The following LYPD6B variants were observed in gnomAD, a reference collection of about 807,000 sequenced individuals.
The protein encoded by LYPD6B is ly6/PLAUR domain-containing protein 6B.
LYPD6B carries 17 observed loss-of-function variants against 22.8 expected under a neutral mutation model. That is an observed-to-expected ratio of 0.75 (90% CI 0.51 to 1.12). The LOEUF is 1.12. Among genes scored for constraint, LYPD6B ranks in the 50% most tolerant of loss-of-function variants. The pLI is 0.00. For synonymous variants in LYPD6B, 106 were observed against 91.6 expected (o/e 1.16, Z -0.90); for missense variants, 221 against 258.3 (o/e 0.86, Z 0.99).
intron 2 of LYPD6B, among the ~76,000 whole-genome samples, chr2:149,132,068 C>A (rs184085384): frequency 6.6e-6 from 1 of 151,976 alleles, no homozygotes; most frequent in African/African-American, 2.4e-5. Flanking sequence ...TGGGTCCATG[C>A]TCCCTTTTTT....
At chr2:149,100,416 CAAAAAAAAAAAAAAAA>C (rs58068035) in intron 1 of LYPD6B, among the ~76,000 whole-genome samples, 2 of 67,964 alleles carry the variant, frequency 2.9e-5, no homozygotes, top group Non-Finnish European at 5.2e-5. Context: ...TTGGCTTTGA[CAAAAAAAAAAAAAAAA>C]AAAAAAAAAG....
intron 1 of LYPD6B, among the ~76,000 whole-genome samples, chr2:149,042,062 G>C (rs1388561703): frequency 6.6e-6 from 1 of 152,198 alleles, no homozygotes; most frequent in Non-Finnish European, 1.5e-5. Context: ...CCTCTCTTGA[G>C]AACACTTAGT....
chr2:149,137,743 A>G (rs1168288455), intron 2 of LYPD6B, among the ~76,000 whole-genome samples: 1 of 152,218 alleles, frequency 6.6e-6, no homozygotes, highest in Non-Finnish European at 1.5e-5. Flanking sequence ...CATCTGTACT[A>G]TAAATAAGTC....
At chr2:149,057,886 A>C (rs1293795327) in intron 1 of LYPD6B, among the ~76,000 whole-genome samples, 1 of 152,138 alleles carries the variant, frequency 6.6e-6, no homozygotes, top group African/African-American at 2.4e-5. Flanking sequence ...ATGTGTGATG[A>C]ATGCATCCGT....
chr2:149,187,702 T>TA, intron 3 of LYPD6B: 1 of 451,376 alleles, frequency 2.2e-6, no homozygotes, highest in Non-Finnish European at 3.9e-6. Flanking sequence ...GGACCACACA[T>TA]AAAATACGCT....
At chr2:149,177,368 G>A (rs149561554) in intron 3 of LYPD6B, among the ~76,000 whole-genome samples, 1 of 152,164 alleles carries the variant, frequency 6.6e-6, no homozygotes, top group Admixed American at 6.5e-5. Flanking sequence ...GCTGGCTGGG[G>A]TTATGTTTTT....
In LYPD6B at chr2:149,195,755, T is replaced by C. The variant is rs58083873; in HGVS notation, c.78-9498T>C. On this transcript the variant is annotated intron_variant, in intron 3 of 6. Coordinates refer to ENST00000409642, the MANE Select transcript of LYPD6B (RefSeq NM_177964.5). ...GGAACAATAAATCTCTGTATTGAGC[T>C]TTCTAAGTGATTTAATAATTTGACA... Among the ~76,000 whole-genome samples, 2,224 of 152,322 alleles carry C rather than the reference T, an allele frequency of 0.015. 282 individuals carry two copies. The East Asian group carries it at 0.32, about 22-fold the overall frequency.
chr2:149,122,001 A>T (rs896987017), intron 1 of LYPD6B, among the ~76,000 whole-genome samples: 1 of 152,302 alleles, frequency 6.6e-6, no homozygotes, highest in Admixed American at 6.5e-5. Flanking sequence ...AAAACCCCAA[A>T]CGAGAAAGAA....
At chr2:149,143,013 T>C (rs541522145) in intron 2 of LYPD6B, among the ~76,000 whole-genome samples, 24 of 152,360 alleles carry the variant, frequency 1.6e-4, no homozygotes, top group African/African-American at 5.0e-4. Context: ...TCTGCTATTA[T>C]TCACATCTTA....
intron 2 of LYPD6B, among the ~76,000 whole-genome samples, chr2:149,151,597 G>A (rs1575071122): frequency 2.0e-5 from 3 of 152,106 alleles, no homozygotes; most frequent in East Asian, 1.9e-4. Flanking sequence ...CCTTTTTGCC[G>A]ATGGATGTCC....
At chr2:149,174,922 G>C (rs1691155082) in intron 3 of LYPD6B, among the ~76,000 whole-genome samples, 1 of 151,734 alleles carries the variant, frequency 6.6e-6, no homozygotes, top group South Asian at 2.1e-4. Context: ...TCCTGCACAT[G>C]TACCCCTGAA....
chr2:149,148,615 T>C (rs1000110085), intron 2 of LYPD6B, among the ~76,000 whole-genome samples: 1 of 152,238 alleles, frequency 6.6e-6, no homozygotes, highest in Non-Finnish European at 1.5e-5. Flanking sequence ...TGTGGTGTTA[T>C]CACGTAAGTC....
At chr2:149,094,762 C>A (rs1348184746) in intron 1 of LYPD6B, among the ~76,000 whole-genome samples, 1 of 152,108 alleles carries the variant, frequency 6.6e-6, no homozygotes, top group Non-Finnish European at 1.5e-5. Flanking sequence ...ATAGATCTGA[C>A]TTGTTACTCA....
intron 2 of LYPD6B, among the ~76,000 whole-genome samples, chr2:149,151,285 G>A (rs1260105330): frequency 2.6e-5 from 4 of 152,102 alleles, no homozygotes; most frequent in Non-Finnish European, 4.4e-5. Flanking sequence ...GAGGCCGGGT[G>A]TGAAGGAGGA....
intron 1 of LYPD6B, among the ~76,000 whole-genome samples, chr2:149,120,377 A>ATTT (rs1343156188): frequency 0.17 from 7,176 of 41,778 alleles, 893 homozygotes; most frequent in Non-Finnish European, 0.22. Flanking sequence ...ATATATATAT[A>ATTT]TATATATTTT....
intron 1 of LYPD6B, among the ~76,000 whole-genome samples, chr2:149,046,143 G>A (rs149004474): frequency 3.3e-5 from 5 of 152,234 alleles, no homozygotes; most frequent in African/African-American, 4.8e-5. Context: ...ATTATGTGAT[G>A]TCCCTCTGTA....
chr2:149,102,574 T>C (rs1343796118), intron 1 of LYPD6B, among the ~76,000 whole-genome samples: 2 of 152,134 alleles, frequency 1.3e-5, no homozygotes, highest in African/African-American at 4.8e-5. Context: ...GGGCAGCTAT[T>C]TGGAAGTCAA....
intron 2 of LYPD6B, among the ~76,000 whole-genome samples, chr2:149,148,573 CCTGT>C (rs1468791841): frequency 6.6e-6 from 1 of 152,194 alleles, no homozygotes; most frequent in African/African-American, 2.4e-5. Flanking sequence ...ACATTTTTGG[CCTGT>C]CTCTTTTCTC....
chr2:149,153,912 G>A (rs146634202), intron 2 of LYPD6B: 129 of 165,402 alleles, frequency 7.8e-4, no homozygotes, highest in African/African-American at 2.8e-3. Flanking sequence ...TGATGCACTT[G>A]TCCTTCATTA....
Sources: allele counts gnomAD v4.1 joint callset (sites outside exome capture counted in the v4.1 genomes callset), GRCh38; gene constraint gnomAD v4.1.1; transcripts MANE v1.5; gene names NCBI Gene and HGNC (gene_info 2026-07-23, HGNC 2026-07-21).